LRMDA: variants seen among roughly 807,000 people sequenced by gnomAD.
LRMDA encodes the protein leucine rich melanocyte differentiation associated.
LRMDA carries 18 observed loss-of-function variants against 29.8 expected under a neutral mutation model. The observed-to-expected ratio is 0.60, with a 90% CI of 0.42 to 0.90. The LOEUF (loss-of-function observed/expected upper bound fraction) is 0.90, where lower values mean the gene tolerates loss of function less well. Among genes scored for constraint, LRMDA ranks in the 40% least tolerant of loss-of-function variants. The pLI, the probability that LRMDA is intolerant of heterozygous loss-of-function variation, is 0.00. For missense variants in LRMDA, 273 were observed against 273.9 expected (o/e 1.00, Z 0.02); for synonymous variants, 125 against 109.4 (o/e 1.14, Z -0.89).
At chr10:76,263,753 CAAAG>C (rs1839971601) in intron 5 of LRMDA, among the ~76,000 whole-genome samples, 1 of 152,074 alleles carries the variant, frequency 6.6e-6, no homozygotes, top group African/African-American at 2.4e-5. Context: ...AATATTGAAA[CAAAG>C]AAATAAATTG....
At chr10:75,927,999 C>T (rs1451902375) in intron 2 of LRMDA, among the ~76,000 whole-genome samples, 1 of 152,144 alleles carries the variant, frequency 6.6e-6, no homozygotes. Flanking sequence ...AAGCAGTTGG[C>T]ACAGCACCTG....
chr10:76,268,864 G>A (rs7087332), intron 5 of LRMDA, among the ~76,000 whole-genome samples: 84,342 of 151,824 alleles, frequency 0.56, 24,780 homozygotes, highest in African/African-American at 0.76. Flanking sequence ...TTCTCTGAGC[G>A]TGTTTAGTGA....
At chr10:75,894,139 A>T (rs1168237968) in intron 2 of LRMDA, among the ~76,000 whole-genome samples, 4 of 152,104 alleles carry the variant, frequency 2.6e-5, no homozygotes, top group African/African-American at 9.7e-5. Context: ...CCTGAGCAGT[A>T]TACACTGCAT....
chr10:75,758,538 G>A (rs542027742), intron 2 of LRMDA, among the ~76,000 whole-genome samples: 2 of 152,342 alleles, frequency 1.3e-5, no homozygotes, highest in South Asian at 4.1e-4. Flanking sequence ...TGGCAGTGAG[G>A]CAAATGCTAG....
intron 5 of LRMDA, among the ~76,000 whole-genome samples, chr10:76,160,520 CT>C (rs1850626259): frequency 2.6e-5 from 4 of 151,760 alleles, no homozygotes; most frequent in Admixed American, 2.6e-4. Context: ...AAAAAATTTG[CT>C]TGGGAGAAGA....
intron 6 of LRMDA, among the ~76,000 whole-genome samples, chr10:76,399,588 A>T (rs764865904): frequency 1.1e-4 from 17 of 152,218 alleles, no homozygotes; most frequent in Non-Finnish European, 1.6e-4. Context: ...AGCATTGCTA[A>T]GTATATGGTC....
intron 5 of LRMDA, among the ~76,000 whole-genome samples, chr10:76,297,137 G>A (rs1474262585): frequency 6.6e-6 from 1 of 152,218 alleles, no homozygotes; most frequent in African/African-American, 2.4e-5. Context: ...GGCAATCCCA[G>A]TTTATGTTGC....
chr10:76,341,395 A>C (rs532232888), intron 6 of LRMDA, among the ~76,000 whole-genome samples: 1 of 152,306 alleles, frequency 6.6e-6, no homozygotes, highest in African/African-American at 2.4e-5. Flanking sequence ...AAAAATAAGG[A>C]TATGAAAGAC....
intron 2 of LRMDA, among the ~76,000 whole-genome samples, chr10:76,030,264 G>GTA (rs1007447832): frequency 2.6e-5 from 4 of 151,856 alleles, no homozygotes; most frequent in African/African-American, 9.7e-5. Flanking sequence ...GTGTGTGTGT[G>GTA]TATATATATG....
At chr10:76,224,694 G>A (rs770965534) in intron 5 of LRMDA, among the ~76,000 whole-genome samples, 20 of 116,310 alleles carry the variant, frequency 1.7e-4, no homozygotes, top group Middle Eastern at 4.6e-3. Context: ...TTTTTTTACC[G>A]GACAAAAATC....
In LRMDA at chr10:76,434,736, T is replaced by G. The variant is rs373446999; in HGVS notation, c.601+110251T>G. 1.1e-4 allele frequency among the ~76,000 whole-genome samples: 17 copies of G among 152,322 alleles called. 1 individual carries two copies. The East Asian group carries it at 3.1e-3, about 28-fold the overall frequency. On this transcript the variant is annotated intron_variant, in intron 6 of 6. Coordinates refer to ENST00000611255, the MANE Select transcript of LRMDA (RefSeq NM_001305581.2). ...TTCCATCTTCAAAGAGCTCACCATCTAGAAAAATAAAACCAGTGCTGGATG... is the reference window on the plus strand; with the variant it reads ...TTCCATCTTCAAAGAGCTCACCATCGAGAAAAATAAAACCAGTGCTGGATG...
chr10:75,496,454 C>T (rs1845045191), intron 2 of LRMDA, among the ~76,000 whole-genome samples: 1 of 152,180 alleles, frequency 6.6e-6, no homozygotes, highest in Non-Finnish European at 1.5e-5. Context: ...ATGCTAAGTG[C>T]TTAGTAAATG....
intron 2 of LRMDA, among the ~76,000 whole-genome samples, chr10:75,612,011 A>G (rs1338290109): frequency 2.0e-5 from 3 of 152,162 alleles, no homozygotes; most frequent in African/African-American, 4.8e-5. Context: ...TTTGCCCCAG[A>G]CTGGGACCTC....
At chr10:76,541,675 C>T (rs1223080893) in intron 6 of LRMDA, among the ~76,000 whole-genome samples, 1 of 152,028 alleles carries the variant, frequency 6.6e-6, no homozygotes, top group Non-Finnish European at 1.5e-5. Context: ...TTTATTTCTC[C>T]TTCTTCCTCT....
At chr10:75,816,832 G>T (rs1245487318) in intron 2 of LRMDA, among the ~76,000 whole-genome samples, 1 of 152,136 alleles carries the variant, frequency 6.6e-6, no homozygotes, top group East Asian at 1.9e-4. Flanking sequence ...AACTTTTGGA[G>T]GTTATGCAAA....
chr10:75,961,775 C>T (rs528504062), intron 2 of LRMDA, among the ~76,000 whole-genome samples: 1 of 152,286 alleles, frequency 6.6e-6, no homozygotes, highest in East Asian at 1.9e-4. Context: ...AAGTACTGCA[C>T]GTTGGATAGC....
At chr10:76,171,353 G>A (rs1275092976) in intron 5 of LRMDA, among the ~76,000 whole-genome samples, 1 of 152,150 alleles carries the variant, frequency 6.6e-6, no homozygotes, top group Non-Finnish European at 1.5e-5. Flanking sequence ...CAGCCAGGCT[G>A]GTCTTGAACT....
intron 5 of LRMDA, among the ~76,000 whole-genome samples, chr10:76,140,582 C>G (rs1389534013): frequency 6.6e-6 from 1 of 152,098 alleles, no homozygotes; most frequent in East Asian, 1.9e-4. Context: ...AAGGATGGCA[C>G]TTTGGCAGCA....
In LRMDA at chr10:76,317,866, G is replaced by A. The variant is rs577173603; in HGVS notation, c.517-6535G>A. On this transcript the variant is annotated intron_variant, in intron 5 of 6. Coordinates refer to ENST00000611255, the MANE Select transcript of LRMDA (RefSeq NM_001305581.2). The stretch of plus-strand genomic sequence containing the variant: ...TGGGATTACGGATGTGAGCTACTGT[G>A]CCTGGCCCAAAAATCTTTCTATCTT... Among the ~76,000 whole-genome samples, 296 of 152,258 alleles carry A rather than the reference G, an allele frequency of 1.9e-3. 1 individual carries two copies. Among genetic ancestry groups the A allele is most frequent in the Middle Eastern group, 6.8e-3 (2 of 294 alleles).
Sources: allele counts gnomAD v4.1 joint callset (sites outside exome capture counted in the v4.1 genomes callset), GRCh38; gene constraint gnomAD v4.1.1; transcripts MANE v1.5; gene names NCBI Gene and HGNC (gene_info 2026-07-23, HGNC 2026-07-21).